The following PDE1A variants were observed in gnomAD, a reference collection of about 807,000 sequenced individuals.
The protein encoded by PDE1A is dual specificity calcium/calmodulin-dependent 3',5'-cyclic nucleotide phosphodiesterase 1A.
PDE1A carries 35 observed loss-of-function variants against 61.7 expected under a neutral mutation model. That is an observed-to-expected ratio of 0.57 (90% confidence interval 0.43 to 0.75). The LOEUF (loss-of-function observed/expected upper bound fraction) is 0.75, where lower values mean the gene tolerates loss of function less well. Ranked by LOEUF, PDE1A falls within the 30% of genes least tolerant of loss-of-function variation. PDE1A has a pLI of 0.00. For missense variants in PDE1A, 597 were observed against 630.6 expected, an observed-to-expected ratio of 0.95 and a Z score of 0.57; for synonymous variants, 232 against 213.2, an observed-to-expected ratio of 1.09 and a Z score of -0.77.
chr2:182,716,150 ACACCGCCCTCTC>A, the PDE1A span: 1 of 152,052 alleles, frequency 6.6e-6, no homozygotes, highest in East Asian at 1.9e-4. Flanking sequence ...ACCTAAACCT[ACACCGCCCTCTC>A]CACCCCACCG....
the PDE1A span, among the ~76,000 whole-genome samples, chr2:182,530,894 GT>G: frequency 1.4e-5 from 1 of 69,960 alleles, no homozygotes; most frequent in African/African-American, 3.0e-5. Flanking sequence ...ATCCTCTTGA[GT>G]TTTATAAATT....
chr2:182,167,574 G>A (rs558567866), downstream of PDE1A, among the ~76,000 whole-genome samples: 3 of 152,134 alleles, frequency 2.0e-5, no homozygotes, highest in East Asian at 5.8e-4. Context: ...TTGTGTAATA[G>A]ACTCTGTGAG....
chr2:182,703,059 T>C, the PDE1A span, among the ~76,000 whole-genome samples: 1 of 152,228 alleles, frequency 6.6e-6, no homozygotes, highest in Non-Finnish European at 1.5e-5. Context: ...CTTAAGCTGA[T>C]TGTTAAAATG....
rs372483597 is a variant in PDE1A at position 182,490,325 on chromosome 2, G to A, written c.101+31951C>T. Among the ~76,000 whole-genome samples the A allele has an allele frequency of 3.9e-4, 60 of 152,290 alleles. No homozygotes were observed. In the South Asian group the frequency reaches 0.012, roughly 31 times the overall value. ...GAGTTTTACTGTAAAGGAGAACTTT[G>A]ACTTACAGGAGGATGACATAGGTTA... On this transcript the variant is annotated intron_variant, in intron 2 of 14. Coordinates refer to the PDE1A transcript ENST00000410103.
At chr2:182,571,423 C>T in the PDE1A span, among the ~76,000 whole-genome samples, 1 of 152,016 alleles carries the variant, frequency 6.6e-6, no homozygotes, top group Admixed American at 6.6e-5. Flanking sequence ...AACTTTGAGA[C>T]TTTGGAGGTT....
chr2:182,426,608 C>A, exon 1 of PDE1A: 1 of 1,612,408 alleles, frequency 6.2e-7, no homozygotes, highest in East Asian at 2.2e-5. Context: ...ATGTTTCTTC[C>A]TGATTGTGAC....
At chr2:182,494,436 C>T (rs1427625310) in intron 2 of PDE1A, among the ~76,000 whole-genome samples, 1 of 131,026 alleles carries the variant, frequency 7.6e-6, no homozygotes, top group African/African-American at 2.8e-5. Flanking sequence ...CATCCCTTAG[C>T]CCAGATAATA....
the PDE1A span, among the ~76,000 whole-genome samples, chr2:182,686,637 C>T: frequency 6.6e-6 from 1 of 152,214 alleles, no homozygotes; most frequent in African/African-American, 2.4e-5. Flanking sequence ...GCATTTCCAA[C>T]TGAGGTACCG....
chr2:182,476,095 T>C (rs1383726901), intron 2 of PDE1A, among the ~76,000 whole-genome samples: 1 of 151,992 alleles, frequency 6.6e-6, no homozygotes, highest in East Asian at 1.9e-4. Context: ...GGGTTATTTT[T>C]ATATTGTGAC....
intron 1 of PDE1A, among the ~76,000 whole-genome samples, chr2:182,317,172 A>G (rs1388867860): frequency 6.6e-6 from 1 of 152,110 alleles, no homozygotes; most frequent in Non-Finnish European, 1.5e-5. Context: ...ACGTGGAGTG[A>G]TATGTAGCTC....
At chr2:182,634,395 T>C in the PDE1A span, among the ~76,000 whole-genome samples, 3 of 152,160 alleles carry the variant, frequency 2.0e-5, no homozygotes, top group South Asian at 4.1e-4. Flanking sequence ...AAAGCAGCTT[T>C]CTATCTCCAA....
intron 1 of PDE1A, among the ~76,000 whole-genome samples, chr2:182,320,747 T>G (rs780923984): frequency 6.6e-6 from 1 of 152,208 alleles, no homozygotes; most frequent in Non-Finnish European, 1.5e-5. Flanking sequence ...AAAAGACCTA[T>G]GATTAATATA....
intron 1 of PDE1A, among the ~76,000 whole-genome samples, chr2:182,297,152 A>G (rs370715456): frequency 2.2e-4 from 34 of 152,322 alleles, no homozygotes; most frequent in African/African-American, 7.0e-4. Flanking sequence ...CTAATATGAT[A>G]TATTATGATC....
intron 2 of PDE1A, among the ~76,000 whole-genome samples, chr2:182,508,989 T>C (rs1574828178): frequency 7.3e-6 from 1 of 136,746 alleles, no homozygotes; most frequent in Admixed American, 7.7e-5. Context: ...GTCCCCAGAG[T>C]GTGATATTCC....
chr2:182,438,745 T>C (rs887347347), intron 2 of PDE1A, among the ~76,000 whole-genome samples: 8 of 151,796 alleles, frequency 5.3e-5, no homozygotes, highest in African/African-American at 1.9e-4. Context: ...ATCTGAAAAA[T>C]TATAGAGACC....
intron 2 of PDE1A, among the ~76,000 whole-genome samples, chr2:182,439,026 C>G (rs1047222967): frequency 6.6e-6 from 1 of 151,752 alleles, no homozygotes; most frequent in Admixed American, 6.6e-5. Context: ...GAGATATTAA[C>G]TGGGATAGTA....
chr2:182,670,614 G>A, the PDE1A span, among the ~76,000 whole-genome samples: 6 of 152,160 alleles, frequency 3.9e-5, no homozygotes, highest in African/African-American at 1.4e-4. Flanking sequence ...CTAGTGATGG[G>A]TGCCGAAGCC....
the PDE1A span, among the ~76,000 whole-genome samples, chr2:182,694,247 A>G: frequency 6.6e-6 from 1 of 152,138 alleles, no homozygotes; most frequent in African/African-American, 2.4e-5. Context: ...TTCCCACTAA[A>G]TTGTTTTGGC....
intron 7 of PDE1A, among the ~76,000 whole-genome samples, chr2:182,207,097 G>C (rs1027927028): frequency 1.4e-4 from 21 of 152,178 alleles, no homozygotes; most frequent in African/African-American, 5.1e-4. Flanking sequence ...AAATGTGGAA[G>C]CAACTTTGGA....
Sources: gnomAD v4.1 joint callset for allele counts (sites outside exome capture counted in the v4.1 genomes callset) on GRCh38, gnomAD v4.1.1 for gene constraint, MANE v1.5 for transcripts, NCBI Gene and HGNC (gene_info 2026-07-23, HGNC 2026-07-21) for gene names.